The following ZBED4 variants were observed in gnomAD, a reference collection of about 807,000 sequenced individuals.
The protein encoded by ZBED4 is zinc finger BED-type containing 4, also known as zinc finger BED domain-containing protein 4.
In ZBED4, 4 loss-of-function variants were observed where a neutral mutation model predicts 15.5. The ratio of observed to expected loss-of-function variants is 0.26; its 90% confidence interval spans 0.13 to 0.59. ZBED4 has a LOEUF of 0.59. Ranked by LOEUF, ZBED4 falls within the 20% of genes least tolerant of loss-of-function variation. The pLI is 0.90. For missense variants in ZBED4, 1,323 were observed against 1,461.8 expected (o/e 0.91, Z 1.55); for synonymous variants, 692 against 608.5 (o/e 1.14, Z -2.02).
At chr22:49,874,020 GAACTCTC>G (rs1212600168) in intron 1 of ZBED4, among the ~76,000 whole-genome samples, 2 of 152,236 alleles carry the variant, frequency 1.3e-5, no homozygotes, top group Non-Finnish European at 2.9e-5. Flanking sequence ...TGACCTCTCT[GAACTCTC>G]TTACTCTTTA....
chr22:49,856,745 C>T (rs5000106), intron 1 of ZBED4, among the ~76,000 whole-genome samples: 4 of 38,674 alleles, frequency 1.0e-4, no homozygotes, highest in Non-Finnish European at 2.2e-4. Context: ...CGGCTTCCCA[C>T]CTCTCGTTCT....
rs149970137 is a variant in ZBED4, at chr22:49,884,933, C to T, written c.1271C>T (p.Ser424Leu). The T allele has an allele frequency of 1.3e-4, 205 of 1,607,156 alleles. No individual in the cohort carries two copies. Among genetic ancestry groups the T allele is most frequent in the African/African-American group, 1.9e-4 (14 of 74,910 alleles). Residue 424 changes from serine to leucine, a missense_variant, in exon 2 of 2, where the codon TCG (serine) becomes TTG (leucine). Around this residue, in one of 6 missense-constraint regions of ZBED4, gnomAD observed 429 missense variants for 397.9 expected, o/e 1.08. Coordinates refer to ENST00000216268, the MANE Select transcript of ZBED4 (RefSeq NM_014838.3). Reference protein sequence around the residue: ...FSSSDDIGEASASSPEKQQAD... With the variant: ...FSSSDDIGEALASSPEKQQAD... ...TCTTCCGATGACATAGGGGAGGCCT[C>T]GGCGTCCTCTCCTGAGAAGCAGCAG...
intron 1 of ZBED4, among the ~76,000 whole-genome samples, chr22:49,882,018 C>T (rs1157744207): frequency 6.6e-6 from 1 of 152,142 alleles, no homozygotes; most frequent in African/African-American, 2.4e-5. Context: ...GCCTGTTTCC[C>T]CAGCAGTATT....
chr22:49,864,306 C>A (rs1027312148), intron 1 of ZBED4, among the ~76,000 whole-genome samples: 2 of 152,214 alleles, frequency 1.3e-5, no homozygotes, highest in Non-Finnish European at 2.9e-5. Flanking sequence ...TTATCTCTTG[C>A]TACAAACATC....
At chr22:49,860,941 G>C (rs539980451) in intron 1 of ZBED4, among the ~76,000 whole-genome samples, 1 of 151,410 alleles carries the variant, frequency 6.6e-6, no homozygotes, top group Non-Finnish European at 1.5e-5. Flanking sequence ...ACCACGCCCA[G>C]CTAATTTTTT....
rs2060439332 is a variant in ZBED4 at position 49,886,413 on chromosome 22, C to T, written c.2751C>T (p.Asn917=). 1 of 1,599,828 alleles carries T rather than the reference C, an allele frequency of 6.3e-7. No individual in the cohort carries two copies. The highest frequency in any genetic ancestry group is 8.5e-7 in the Non-Finnish European group (1 of 1,170,396). Residue 917 remains asparagine (N), a synonymous_variant, in exon 2 of 2, where the codon AAC becomes AAT. Coordinates refer to ENST00000216268, the MANE Select transcript of ZBED4 (RefSeq NM_014838.3). This position sits in a 1 kb window ranked among gnomAD's most constrained non-coding sequence, Gnocchi z 7.7. ...TTAACGAGATGTCCGTCGAGTGTAACTTCCGAGAGCTGATCAGCTGCGACC... is the reference window on the plus strand; with the variant it reads ...TTAACGAGATGTCCGTCGAGTGTAATTTCCGAGAGCTGATCAGCTGCGACC... ...RAINEMSVEC[N]FRELISCDQW... is the part of the protein sequence containing the mutation.
intron 1 of ZBED4, among the ~76,000 whole-genome samples, chr22:49,856,977 T>A (rs2060277535): frequency 6.6e-6 from 1 of 152,204 alleles, no homozygotes; most frequent in African/African-American, 2.4e-5. Context: ...GATGCTGGCC[T>A]GGCCCTGGGG....
At chr22:49,858,347 A>G (rs1318732514) in intron 1 of ZBED4, among the ~76,000 whole-genome samples, 1 of 152,172 alleles carries the variant, frequency 6.6e-6, no homozygotes, top group Non-Finnish European at 1.5e-5. Context: ...CCCCGATGGT[A>G]GTTTATGTCC....
intron 1 of ZBED4, among the ~76,000 whole-genome samples, chr22:49,871,223 T>C (rs953929207): frequency 2.6e-5 from 3 of 117,430 alleles, no homozygotes; most frequent in Non-Finnish European, 5.4e-5. Context: ...AATTCTCTTT[T>C]AAAAGTTAAT....
intron 1 of ZBED4, among the ~76,000 whole-genome samples, chr22:49,882,822 C>G (rs2060416437): frequency 6.6e-6 from 1 of 152,234 alleles, no homozygotes; most frequent in Non-Finnish European, 1.5e-5. Flanking sequence ...CCACAGGACG[C>G]CTTTCCCTTC....
At position 49,885,094 on chromosome 22, in the gene ZBED4, C is replaced by T. The variant is rs1230075243; in HGVS notation, c.1432C>T (p.Arg478Trp). ...APMDSLKAEC[R>W]YCGCAISRGK... is the part of the protein sequence containing the mutation. ...CATGGACAGCCTCAAGGCCGAGTGT[C>T]GGTACTGCGGCTGTGCCATCAGCCG... Residue 478 changes from arginine to tryptophan, a missense_variant, in exon 2 of 2, where the codon CGG becomes TGG. This residue lies in a region of ZBED4 where 429 missense variants were observed against 397.9 expected (regional missense o/e 1.08). Coordinates refer to ENST00000216268, the MANE Select transcript of ZBED4 (RefSeq NM_014838.3). 27 of 1,613,378 alleles carry T rather than the reference C, an allele frequency of 1.7e-5. No individual in the cohort carries two copies. The highest frequency in any genetic ancestry group is 2.7e-5 in the African/African-American group (2 of 74,880).
Position 49,883,892 on chromosome 22 carries a change from CAG to C in ZBED4, c.235_236del (p.Ser79Ter). ...AAGCCCCCGGGGAAGTACTTGTCTG[CAG>C]AGAGTGAGGATGACTATGGCGCGCT... On this transcript the variant is annotated frameshift_variant, in exon 2 of 2. Coordinates refer to ENST00000216268, the MANE Select transcript of ZBED4 (RefSeq NM_014838.3). LOFTEE classifies it low-confidence loss of function (END_TRUNC). 6.2e-7 allele frequency: 1 copy of C among 1,606,972 alleles called. No individual in the cohort carries two copies. The highest frequency in any genetic ancestry group is 8.5e-7 in the Non-Finnish European group (1 of 1,174,940).
chr22:49,875,816 C>T (rs2060373574), intron 1 of ZBED4, among the ~76,000 whole-genome samples: 1 of 152,078 alleles, frequency 6.6e-6, no homozygotes, highest in South Asian at 2.1e-4. Flanking sequence ...TAGTGATACT[C>T]CCTCTCTCAT....
At position 49,884,874 on chromosome 22, in the gene ZBED4, A is replaced by C; in HGVS notation, c.1212A>C (p.Gly404=). 6.2e-7 allele frequency: 1 copy of C among 1,606,438 alleles called. No individual in the cohort carries two copies. The highest frequency in any genetic ancestry group is 8.5e-7 in the Non-Finnish European group (1 of 1,174,480). The change falls in exon 2 of 2, where the codon GGA becomes GGC. Residue 404 remains glycine, a synonymous_variant. Coordinates refer to ENST00000216268, the MANE Select transcript of ZBED4 (RefSeq NM_014838.3). ...ACTTGCAGTCTCACTTGAACCCTGG[A>C]GATGGGCTGATGGAAGACGTGGCGG... ...TEDLQSHLNP[G]DGLMEDVAAF...
intron 1 of ZBED4, among the ~76,000 whole-genome samples, chr22:49,871,727 G>A (rs1204556010): frequency 2.7e-5 from 4 of 149,922 alleles, no homozygotes; most frequent in African/African-American, 9.8e-5. Flanking sequence ...CTGAAGGGTG[G>A]GGTGGCTGTG....
intron 1 of ZBED4, among the ~76,000 whole-genome samples, chr22:49,856,308 T>A (rs1418731879): frequency 6.6e-6 from 1 of 152,118 alleles, no homozygotes; most frequent in Non-Finnish European, 1.5e-5. Flanking sequence ...AACATGGTGG[T>A]GGTGAGGAGC....
Position 49,884,552 on chromosome 22 carries a change from C to T in ZBED4, c.890C>T (p.Ser297Leu). 2 of 1,613,332 alleles carry T rather than the reference C, an allele frequency of 1.2e-6. No individual in the cohort carries two copies. Among genetic ancestry groups the T allele is most frequent in the Non-Finnish European group, 1.7e-6 (2 of 1,179,612 alleles). The change falls in exon 2 of 2, where the codon TCG becomes TTG. Residue 297 changes from serine (S) to leucine (L), a missense_variant. Around this residue, in one of 6 missense-constraint regions of ZBED4, gnomAD observed 380 missense variants for 413.7 expected, o/e 0.92. Transcript: ENST00000216268. Reference protein sequence around the residue: ...RSAVWKHFYLSPLDNSKAVCI... With the variant: ...RSAVWKHFYLLPLDNSKAVCI... ...GCTGTCTGGAAGCACTTCTACCTGT[C>T]GCCACTGGACAACTCCAAAGCTGTC...
At chr22:49,880,444 G>A (rs147269773) in intron 1 of ZBED4, among the ~76,000 whole-genome samples, 1,528 of 152,288 alleles carry the variant, frequency 0.01, 26 homozygotes, top group African/African-American at 0.035. Flanking sequence ...GCCAAGTTCC[G>A]ACTCCCCGCC....
chr22:49,862,062 C>T (rs770636499), intron 1 of ZBED4, among the ~76,000 whole-genome samples: 1 of 152,166 alleles, frequency 6.6e-6, no homozygotes, highest in Non-Finnish European at 1.5e-5. Flanking sequence ...GTATCTTGAA[C>T]GGGTTTTCAT....
Sources: allele counts gnomAD v4.1 joint callset (sites outside exome capture counted in the v4.1 genomes callset), GRCh38; gene constraint gnomAD v4.1.1; regional missense constraint gnomAD v4.1.1; non-coding constraint Gnocchi (gnomAD v3.1); transcripts MANE v1.5; gene names NCBI Gene and HGNC (gene_info 2026-07-23, HGNC 2026-07-21).